Variants in ASXL1 observed in about 807,000 individuals in gnomAD.
The protein encoded by ASXL1 is polycomb group protein ASXL1.
ASXL1 carries 65 observed loss-of-function variants against 89.1 expected under a neutral mutation model. That is an observed-to-expected ratio of 0.73 (90% CI 0.60 to 0.90). The LOEUF is 0.90. Among genes scored for constraint, ASXL1 ranks in the 40% least tolerant of loss-of-function variants. The probability of loss-of-function intolerance (pLI) is 0.00; values close to 1 mark genes in which losing one functional copy is unlikely to be tolerated. For missense variants in ASXL1, 1,786 were observed against 1,942.9 expected, an observed-to-expected ratio of 0.92 and a Z score of 1.52; for synonymous variants, 739 against 746.9, an observed-to-expected ratio of 0.99 and a Z score of 0.17.
At position 32,437,828 on chromosome 20, in the gene ASXL1, C is replaced by T. The variant is rs1166802132; in HGVS notation, c.*490C>T. 2 of 249,620 alleles carry T rather than the reference C, an allele frequency of 8.0e-6. No individual in the cohort carries two copies. Among genetic ancestry groups the T allele is most frequent in the Non-Finnish European group, 1.6e-5 (2 of 127,844 alleles). 15.5% of individuals were successfully genotyped at this position (249,620 alleles called of 1,614,324 possible). A position where few individuals can be genotyped will look rare whatever the true frequency, so the allele number is the denominator to read the frequency against. On this transcript the variant is annotated 3_prime_UTR_variant, in exon 13 of 13. Coordinates refer to ENST00000375687, the MANE Select transcript of ASXL1 (RefSeq NM_015338.6). ...TAAAGTAACTCCTGGCATTGCCCACCAGGGGGCTGGTGCACCTGCTGACCT... is the reference window on the plus strand; with the variant it reads ...TAAAGTAACTCCTGGCATTGCCCACTAGGGGGCTGGTGCACCTGCTGACCT...
intron 4 of ASXL1, among the ~76,000 whole-genome samples, chr20:32,399,035 C>A (rs991957833): frequency 6.6e-6 from 1 of 151,880 alleles, no homozygotes; most frequent in East Asian, 2.0e-4. Flanking sequence ...CACAGTGAAA[C>A]CCCATCTTTA....
rs574662731 is a variant in ASXL1, at chr20:32,439,083, TGTG to T, written c.*1749_*1751del. 6.2e-4 allele frequency: 144 copies of T among 233,530 alleles called. No homozygotes were observed. Among genetic ancestry groups the T allele is most frequent in the African/African-American group, 2.7e-3 (124 of 45,434 alleles). The allele number at this position is 233,530 out of a possible 1,614,324, so 14.5% of individuals were successfully genotyped here. A position where few individuals can be genotyped will look rare whatever the true frequency, so the allele number is the denominator to read the frequency against. On this transcript the variant is annotated 3_prime_UTR_variant, in exon 13 of 13. Transcript: ENST00000375687. Reference sequence around the variant, plus strand: ...AGCATGAGTGACAAGTTGGGAATGATGTGGTGATTTAGAATGCAGTATTGGCCA... The same window carrying T: ...AGCATGAGTGACAAGTTGGGAATGATGTGATTTAGAATGCAGTATTGGCCA...
rs772452614 is a variant in ASXL1, at chr20:32,437,055, A to G, written c.4343A>G (p.Gln1448Arg). 3.1e-5 allele frequency: 50 copies of G among 1,613,992 alleles called. 1 individual carries two copies. In the Admixed American group the frequency reaches 7.5e-4, roughly 24 times the overall value. The change falls in exon 13 of 13, where the codon CAA becomes CGA. Residue 1448 changes from glutamine to arginine, a missense_variant. By Grantham distance (43) the Gln-to-Arg change is conservative. This residue lies in a region of ASXL1 where 1,418 missense variants were observed against 1,427.8 expected (regional missense o/e 0.99). Transcript: ENST00000375687. Reference protein sequence around the residue: ...QAFYGKLSKLQLSSTSFNYSS... With the variant: ...QAFYGKLSKLRLSSTSFNYSS... ...TTTTATGGGAAGCTTTCTAAACTCC[A>G]ACTGAGTTCCACCAGCTTTAATTAT...
intron 4 of ASXL1, among the ~76,000 whole-genome samples, chr20:32,404,916 T>A (rs1490401925): frequency 6.6e-6 from 1 of 152,218 alleles, no homozygotes; most frequent in Non-Finnish European, 1.5e-5. Flanking sequence ...CACATCTTAT[T>A]GTTTTAGTTT....
chr20:32,365,670 A>C (rs1600469911), intron 1 of ASXL1, among the ~76,000 whole-genome samples: 2 of 152,340 alleles, frequency 1.3e-5, no homozygotes, highest in East Asian at 3.9e-4. Context: ...GTTGCACACT[A>C]AGAAAATACT....
chr20:32,382,505 T>A (rs1026876735), intron 4 of ASXL1, among the ~76,000 whole-genome samples: 1 of 150,864 alleles, frequency 6.6e-6, no homozygotes, highest in African/African-American at 2.4e-5. Context: ...GCACTGTGCC[T>A]CATACCTGTA....
intron 4 of ASXL1, among the ~76,000 whole-genome samples, chr20:32,387,985 T>C (rs1378883436): frequency 6.6e-6 from 1 of 152,182 alleles, no homozygotes; most frequent in Non-Finnish European, 1.5e-5. Context: ...GTCCCTTTGC[T>C]CTTGTGGCAC....
chr20:32,435,603 C>T lies in ASXL1; in HGVS notation c.2891C>T (p.Ser964Phe), dbSNP rs749746806. 1.9e-6 allele frequency: 3 copies of T among 1,614,138 alleles called. No individual in the cohort carries two copies. In the East Asian group the frequency reaches 6.7e-5, roughly 36 times the overall value. The change falls in exon 13 of 13, where the codon TCT becomes TTT. Residue 964 changes from serine (S) to phenylalanine (F), a missense_variant. Physicochemically the swap from Ser to Phe is radical, Grantham distance 155. This residue lies in a region of ASXL1 where 1,418 missense variants were observed against 1,427.8 expected (regional missense o/e 0.99). Coordinates refer to ENST00000375687, the MANE Select transcript of ASXL1 (RefSeq NM_015338.6). The stretch of plus-strand genomic sequence containing the variant: ...CTTACTTCACTCTGGACTGTGCCAT[C>T]TCGAGGAGGCAGTGACAGCAATGGC... ...DSLTSLWTVP[S>F]RGGSDSNGSY...
At chr20:32,382,165 G>A (rs1434832633) in intron 4 of ASXL1, among the ~76,000 whole-genome samples, 1 of 151,580 alleles carries the variant, frequency 6.6e-6, no homozygotes, top group Non-Finnish European at 1.5e-5. Flanking sequence ...ACTAGAGACA[G>A]TGTTTTTCCA....
intron 4 of ASXL1, among the ~76,000 whole-genome samples, chr20:32,370,529 G>A (rs2048284281): frequency 6.6e-6 from 1 of 152,168 alleles, no homozygotes; most frequent in African/African-American, 2.4e-5. Context: ...AAGATGACTT[G>A]TCGACATTGG....
chr20:32,419,729 T>C (rs1024877261), intron 4 of ASXL1, among the ~76,000 whole-genome samples: 1 of 151,392 alleles, frequency 6.6e-6, no homozygotes, highest in African/African-American at 2.4e-5. Flanking sequence ...TTGCCCAGGC[T>C]GGAGTGCAGT....
chr20:32,396,012 T>G (rs1445937885), intron 4 of ASXL1, among the ~76,000 whole-genome samples: 1 of 152,144 alleles, frequency 6.6e-6, no homozygotes, highest in Non-Finnish European at 1.5e-5. Context: ...TTTGCCAGGC[T>G]GGTCTCAAAC....
At chr20:32,379,100 G>C (rs1016899106) in intron 4 of ASXL1, among the ~76,000 whole-genome samples, 2 of 140,768 alleles carry the variant, frequency 1.4e-5, no homozygotes, top group African/African-American at 2.6e-5. Context: ...CACACACACA[G>C]ATAAATAAAT....
At chr20:32,410,335 C>A (rs1390917903) in intron 4 of ASXL1, among the ~76,000 whole-genome samples, 2 of 152,114 alleles carry the variant, frequency 1.3e-5, no homozygotes, top group Non-Finnish European at 2.9e-5. Flanking sequence ...TACGGTCTTA[C>A]ACCGTTGCCC....
chr20:32,367,808 G>A (rs755348499), intron 3 of ASXL1, 79 bp downstream of exon 3: 35 of 777,966 alleles, frequency 4.5e-5, no homozygotes, highest in South Asian at 3.4e-4. Flanking sequence ...GAATTATGAA[G>A]CAGTCATGAT....
In ASXL1 at chr20:32,433,964, T is replaced by G. The variant is rs1014653843; in HGVS notation, c.1719+47T>G. The G allele has an allele frequency of 4.4e-6, 7 of 1,604,592 alleles. No homozygotes were observed. The African/African-American group carries it at 8.0e-5, about 18-fold the overall frequency. The stretch of plus-strand genomic sequence containing the variant: ...GGCTGCCCTGGAGCCAGGTTTTCTT[T>G]GAGGGTCATGAGATTATAGAGCCCT... On this transcript the variant is annotated intron_variant, in intron 12 of 12. Coordinates refer to ENST00000375687, the MANE Select transcript of ASXL1 (RefSeq NM_015338.6).
chr20:32,411,063 A>G (rs1393197486), intron 4 of ASXL1, among the ~76,000 whole-genome samples: 1 of 139,164 alleles, frequency 7.2e-6, no homozygotes, highest in African/African-American at 2.6e-5. Flanking sequence ...AAATAAAAAA[A>G]AATTAGTACT....
intron 4 of ASXL1, among the ~76,000 whole-genome samples, chr20:32,393,669 A>G (rs1380967626): frequency 6.6e-6 from 1 of 151,742 alleles, no homozygotes; most frequent in Non-Finnish European, 1.5e-5. Flanking sequence ...ATGGGGTTTC[A>G]CCATATTGGC....
chr20:32,437,574 C>A lies in ASXL1; in HGVS notation c.*236C>A. On this transcript the variant is annotated 3_prime_UTR_variant, in exon 13 of 13. Transcript: ENST00000375687. ...TGCCCAAGGCCAGCCAGCCTGAGCT[C>A]TCCTGCAAGACAGAGCCTGATGTGG... 3.3e-6 allele frequency: 2 copies of A among 597,180 alleles called. No individual in the cohort carries two copies. The highest frequency in any genetic ancestry group is 5.8e-6 in the Non-Finnish European group (2 of 346,766). The allele number at this position is 597,180 out of a possible 1,614,324, so 37.0% of individuals were successfully genotyped here. A position where few individuals can be genotyped will look rare whatever the true frequency, so the allele number is the denominator to read the frequency against.
Sources: gnomAD v4.1 joint callset for allele counts (sites outside exome capture counted in the v4.1 genomes callset) on GRCh38, gnomAD v4.1.1 for gene constraint, gnomAD v4.1.1 regional missense constraint, MANE v1.5 for transcripts, NCBI Gene and HGNC (gene_info 2026-07-23, HGNC 2026-07-21) for gene names.